Variants in KIAA1755 observed in about 807,000 individuals in gnomAD.
The protein encoded by KIAA1755 is KIAA1755.
Under a neutral mutation model 91.7 loss-of-function variants are expected in KIAA1755, and 68 were observed. The observed-to-expected ratio is 0.74, with a 90% CI of 0.61 to 0.91. The LOEUF is 0.91. Among genes scored for constraint, KIAA1755 ranks in the 40% least tolerant of loss-of-function variants. The probability of loss-of-function intolerance (pLI) is 0.00; values close to 1 mark genes in which losing one functional copy is unlikely to be tolerated. For missense variants in KIAA1755, 1,535 were observed against 1,494.4 expected, an observed-to-expected ratio of 1.03 and a Z score of -0.45; for synonymous variants, 610 against 604.6, an observed-to-expected ratio of 1.01 and a Z score of -0.13.
chr20:38,222,808 G>A (rs2123101288), intron 9 of KIAA1755: 1 of 621,830 alleles, frequency 1.6e-6, no homozygotes, highest in East Asian at 2.8e-5. Flanking sequence ...AGCATCTCTT[G>A]CTGGGACACC....
At position 38,246,122 on chromosome 20, in the gene KIAA1755, G is replaced by T. The variant is rs746000428; in HGVS notation, c.8C>A (p.Pro3His). The T allele has an allele frequency of 6.2e-7, 1 of 1,611,542 alleles. No individual in the cohort carries two copies. Among genetic ancestry groups the T allele is most frequent in the Middle Eastern group, 1.8e-4 (1 of 5,554 alleles). MD[P>H]PSLDTAIQHA... is the part of the protein sequence containing the mutation. The stretch of plus-strand genomic sequence containing the variant: ...CTGGATGGCTGTGTCGAGGGATGGA[G>T]GGTCCTGTGGGGGACAGGAGGAGGG... The change falls in exon 2 of 14, where the codon CCT becomes CAT. Residue 3 changes from proline (P) to histidine (H), a missense_variant. Transcript: ENST00000279024.
Position 38,241,498 on chromosome 20 carries a change from C to G in KIAA1755, c.633G>C (p.Leu211Phe). Residue 211 changes from leucine (L) to phenylalanine (F), a missense_variant, in exon 3 of 14, where the codon TTG becomes TTC. Coordinates refer to ENST00000279024, the MANE Select transcript of KIAA1755 (RefSeq NM_001029864.2). Reference sequence around the variant, plus strand: ...CCTGGTGCAACTCTTGAGGGCTGCTCAAATCCAGTGCCTCTAATGGAAGGG... The same window carrying G: ...CCTGGTGCAACTCTTGAGGGCTGCTGAAATCCAGTGCCTCTAATGGAAGGG... ...WGPLPLEALD[L>F]SSPQELHQAS... is the part of the protein sequence containing the mutation. The G allele has an allele frequency of 6.2e-7, 1 of 1,614,210 alleles. No individual in the cohort carries two copies. The highest frequency in any genetic ancestry group is 1.1e-5 in the South Asian group (1 of 91,082).
chr20:38,236,200 G>A (rs1264263429), intron 4 of KIAA1755, among the ~76,000 whole-genome samples: 1 of 152,224 alleles, frequency 6.6e-6, no homozygotes, highest in Non-Finnish European at 1.5e-5. Flanking sequence ...AGGAAAGACT[G>A]GAAGGTTGGG....
intron 2 of KIAA1755, among the ~76,000 whole-genome samples, chr20:38,244,272 G>A (rs565449859): frequency 6.6e-6 from 1 of 152,184 alleles, no homozygotes; most frequent in Non-Finnish European, 1.5e-5. Context: ...TCATGTGGAA[G>A]TGGCTGCAAA....
intron 2 of KIAA1755, among the ~76,000 whole-genome samples, chr20:38,245,078 G>A (rs145021822): frequency 1.2e-4 from 19 of 152,254 alleles, no homozygotes; most frequent in African/African-American, 4.3e-4. Context: ...AGGTAGACAC[G>A]TGACTCAAGC....
chr20:38,258,223 A>G (rs1568787479), intron 1 of KIAA1755, among the ~76,000 whole-genome samples: 1 of 152,168 alleles, frequency 6.6e-6, no homozygotes, highest in Non-Finnish European at 1.5e-5. Context: ...ATTTATGACA[A>G]TGGATACTGA....
At chr20:38,246,562 C>T (rs1167722653) in intron 1 of KIAA1755, among the ~76,000 whole-genome samples, 1 of 152,150 alleles carries the variant, frequency 6.6e-6, no homozygotes, top group Non-Finnish European at 1.5e-5. Flanking sequence ...AGCTGAGCCA[C>T]GAGGGAAGCC....
At chr20:38,237,296 G>C (rs1170888035) in intron 4 of KIAA1755, among the ~76,000 whole-genome samples, 1 of 151,938 alleles carries the variant, frequency 6.6e-6, no homozygotes, top group Non-Finnish European at 1.5e-5. Flanking sequence ...CTCTGGAGGT[G>C]AAGTAGGATC....
chr20:38,228,972 T>C (rs767128925), intron 5 of KIAA1755, among the ~76,000 whole-genome samples: 2 of 152,196 alleles, frequency 1.3e-5, no homozygotes, highest in African/African-American at 2.4e-5. Context: ...TTTTCAAGAC[T>C]TGTTAAAATA....
chr20:38,232,962 T>TA (rs1332291294), intron 4 of KIAA1755, among the ~76,000 whole-genome samples: 1 of 151,780 alleles, frequency 6.6e-6, no homozygotes, highest in Non-Finnish European at 1.5e-5. Context: ...TACTAAAAAT[T>TA]AAAAAAATAA....
intron 3 of KIAA1755, 74 bp downstream of exon 3, chr20:38,240,508 A>C: frequency 7.1e-7 from 1 of 1,404,032 alleles, no homozygotes; most frequent in Non-Finnish European, 9.3e-7. Context: ...TATCACTTAC[A>C]ACCAAAACCA....
chr20:38,238,174 C>T (rs2075992606), intron 4 of KIAA1755, among the ~76,000 whole-genome samples: 1 of 152,142 alleles, frequency 6.6e-6, no homozygotes, highest in Non-Finnish European at 1.5e-5. Flanking sequence ...GCAGAGCCTT[C>T]CATGGACAAA....
chr20:38,213,385 T>C lies in KIAA1755; in HGVS notation c.3260A>G (p.Lys1087Arg), dbSNP rs756646502. The change falls in exon 14 of 14, where the codon AAG becomes AGG. Residue 1087 changes from lysine (K) to arginine (R), a missense_variant. Physicochemically the swap from Lys to Arg is conservative, Grantham distance 26. Coordinates refer to ENST00000279024, the MANE Select transcript of KIAA1755 (RefSeq NM_001029864.2). ...TAGTGGAGGCTGATCCCACCTCCCC[T>C]TGGAAGTGACCTCTACACTCACACC... ...GQGVSVEVTS[K>R]GRWDQPPLDS... 23 of 1,602,836 alleles carry C rather than the reference T, an allele frequency of 1.4e-5. No individual in the cohort carries two copies. Among genetic ancestry groups the C allele is most frequent in the Non-Finnish European group, 1.7e-5 (20 of 1,174,270 alleles).
In KIAA1755 at chr20:38,213,233, C is replaced by A. The variant is rs766664204; in HGVS notation, c.3412G>T (p.Asp1138Tyr). The part of the protein sequence containing the change: ...QEAGQAAEAE[D>Y]GKGSHKLPDP... ...GGCAGCTTGTGGGAGCCTTTGCCGTCTTCAGCCTCTGCAGCCTGGCCAGCT... is the reference window on the plus strand; with the variant it reads ...GGCAGCTTGTGGGAGCCTTTGCCGTATTCAGCCTCTGCAGCCTGGCCAGCT... Residue 1138 changes from aspartate to tyrosine, a missense_variant, in exon 14 of 14, where the codon GAC becomes TAC. Coordinates refer to ENST00000279024, the MANE Select transcript of KIAA1755 (RefSeq NM_001029864.2). 1 of 1,613,220 alleles carries A rather than the reference C, an allele frequency of 6.2e-7. No individual in the cohort carries two copies. Among genetic ancestry groups the A allele is most frequent in the African/African-American group, 1.3e-5 (1 of 74,950 alleles).
intron 10 of KIAA1755, among the ~76,000 whole-genome samples, chr20:38,221,375 C>T (rs2075655869): frequency 6.6e-6 from 1 of 152,142 alleles, no homozygotes; most frequent in Admixed American, 6.5e-5. Context: ...CTGAGAAAGG[C>T]AGTGCCAACC....
At chr20:38,239,351 C>T (rs906901658) in intron 4 of KIAA1755, among the ~76,000 whole-genome samples, 177 bp downstream of exon 4, 1 of 152,346 alleles carries the variant, frequency 6.6e-6, no homozygotes, top group Admixed American at 6.5e-5. Flanking sequence ...CAACAAATTG[C>T]TTTCATCTAT....
intron 2 of KIAA1755, among the ~76,000 whole-genome samples, chr20:38,242,300 G>A (rs141818868): frequency 2.5e-4 from 38 of 152,324 alleles, no homozygotes; most frequent in African/African-American, 7.7e-4. Flanking sequence ...CCAGGGAGAC[G>A]TGGTTTAGAC....
Position 38,214,283 on chromosome 20 carries a change from G to A in KIAA1755, c.2902-540C>T, listed in dbSNP as rs77614687. Among the ~76,000 whole-genome samples the A allele has an allele frequency of 7.4e-3, 1,124 of 152,308 alleles. 15 individuals are homozygous for A. Among genetic ancestry groups the A allele is most frequent in the African/African-American group, 0.025 (1,046 of 41,572 alleles). On this transcript the variant is annotated intron_variant, in intron 13 of 13. Transcript: ENST00000279024. ...CACCTTCTAATAGACCTACGGGCCAGCAGGGACTTAGCCCTCTCTGGGGCT... is the reference window on the plus strand; with the variant it reads ...CACCTTCTAATAGACCTACGGGCCAACAGGGACTTAGCCCTCTCTGGGGCT...
intron 1 of KIAA1755, among the ~76,000 whole-genome samples, chr20:38,249,712 A>G (rs1227224078): frequency 1.4e-5 from 2 of 141,176 alleles, no homozygotes; most frequent in Non-Finnish European, 3.1e-5. Flanking sequence ...TGTACCCAGG[A>G]GGTTTTACAC....
Sources: allele counts gnomAD v4.1 joint callset (sites outside exome capture counted in the v4.1 genomes callset), GRCh38; gene constraint gnomAD v4.1.1; transcripts MANE v1.5; gene names NCBI Gene and HGNC (gene_info 2026-07-23, HGNC 2026-07-21).